ERBB3: variants seen among roughly 807,000 people sequenced by gnomAD.
ERBB3 encodes the protein receptor tyrosine-protein kinase erbB-3.
Under a neutral mutation model 156.7 loss-of-function variants are expected in ERBB3, and 96 were observed. The ratio of observed to expected loss-of-function variants is 0.61; its 90% CI spans 0.52 to 0.73. ERBB3 has a LOEUF of 0.73. Among genes scored for constraint, ERBB3 ranks in the 30% least tolerant of loss-of-function variants. ERBB3 has a pLI of 0.00. For missense variants in ERBB3, 1,406 were observed against 1,709.4 expected, an observed-to-expected ratio of 0.82 and a Z score of 3.13; for synonymous variants, 567 against 632.0, an observed-to-expected ratio of 0.90 and a Z score of 1.54.
rs1173594365 is a variant in ERBB3 at position 56,080,320 on chromosome 12, T to C, written c.20T>C (p.Leu7Pro). The C allele has an allele frequency of 1.3e-6, 2 of 1,581,066 alleles. No individual in the cohort carries two copies. The highest frequency in any genetic ancestry group is 4.6e-5 in the East Asian group (2 of 43,474). Reference protein sequence around the residue: MRANDALQVLGLLFSLA... With the variant: MRANDAPQVLGLLFSLA... ...GGAGTCATGAGGGCGAACGACGCTC[T>C]GCAGGTGCTGGGCTTGCTTTTCAGC... The change falls in exon 1 of 28, where the codon CTG (leucine) becomes CCG (proline). Residue 7 changes from leucine to proline, a missense_variant. Leu to Pro is a moderately conservative substitution (Grantham distance 98). Transcript: ENST00000267101.
intron 14 of ERBB3, 88 bp from the exon 15 acceptor site, chr12:56,094,314 G>GA (rs1286976658): frequency 3.9e-6 from 6 of 1,528,620 alleles, no homozygotes; most frequent in African/African-American, 1.4e-5. Flanking sequence ...GCAGATAGAA[G>GA]ATCCTGAATG....
At position 56,101,434 on chromosome 12, in the gene ERBB3, C is replaced by T. The variant is rs145359354; in HGVS notation, c.3502+73C>T. The T allele has an allele frequency of 1.3e-4, 203 of 1,594,680 alleles. 1 individual carries two copies. The African/African-American group carries it at 2.4e-3, about 19-fold the overall frequency. On this transcript the variant is annotated intron_variant, in intron 27 of 27. Transcript: ENST00000267101. Reference sequence around the variant, plus strand: ...TCCCCGGGCTCCTCTTTTTTCTTCTCTGATCATATGCCTCTCTGTCCTATT... The same window carrying T: ...TCCCCGGGCTCCTCTTTTTTCTTCTTTGATCATATGCCTCTCTGTCCTATT...
chr12:56,091,283 T>TATATATATATATAATATATATAAATATAA (rs1868679445), intron 9 of ERBB3, among the ~76,000 whole-genome samples: 5 of 51,750 alleles, frequency 9.7e-5, no homozygotes, highest in Admixed American at 2.7e-4. Context: ...TATATATATA[T>TATATATATATATAATATATATAAATATAA]ATATATATAT....
At chr12:56,086,302 C>G (rs79768661) in intron 3 of ERBB3, among the ~76,000 whole-genome samples, 2 of 152,040 alleles carry the variant, frequency 1.3e-5, no homozygotes, top group Non-Finnish European at 2.9e-5. Flanking sequence ...TCCCCTCCCC[C>G]ACTAGCTAAA....
In ERBB3 at chr12:56,102,822, A is replaced by C. The variant is rs1419644937; in HGVS notation, c.*767A>C. On this transcript the variant is annotated 3_prime_UTR_variant, in exon 28 of 28. Coordinates refer to ENST00000267101, the MANE Select transcript of ERBB3 (RefSeq NM_001982.4). Reference sequence around the variant, plus strand: ...CCATCTCTTTAAAAAAAAAAAAAAAAAAAAAAAAAAAACTTTAGAACTGGG... The same window carrying C: ...CCATCTCTTTAAAAAAAAAAAAAAACAAAAAAAAAAAACTTTAGAACTGGG... 2 of 214,722 alleles carry C rather than the reference A, an allele frequency of 9.3e-6. No individual in the cohort carries two copies. Among genetic ancestry groups the C allele is most frequent in the African/African-American group, 4.5e-5 (2 of 44,040 alleles). The allele number at this position is 214,722 out of a possible 1,614,324, so 13.3% of individuals were successfully genotyped here. A position where few individuals can be genotyped will look rare whatever the true frequency, so the allele number is the denominator to read the frequency against.
chr12:56,086,295 C>T (rs1443249177), intron 3 of ERBB3, among the ~76,000 whole-genome samples: 1 of 152,088 alleles, frequency 6.6e-6, no homozygotes, highest in Non-Finnish European at 1.5e-5. Context: ...TCTCCCTTCC[C>T]CTCCCCCACT....
chr12:56,094,383 CCTT>C lies in ERBB3; in HGVS notation c.1705-16_1705-14del, dbSNP rs752273376. ...GACCTTGGGATCTGATTCTTCCTGA[CCTT>C]CTCTCTTCCACTCAGGGCTCTGATA... On this transcript the variant is annotated splice_polypyrimidine_tract_variant and intron_variant, in intron 14 of 27. Transcript: ENST00000267101. 6.2e-7 allele frequency: 1 copy of C among 1,614,028 alleles called. No individual in the cohort carries two copies. Among genetic ancestry groups the C allele is most frequent in the Admixed American group, 1.7e-5 (1 of 60,016 alleles).
Position 56,101,170 on chromosome 12 carries a change from C to T in ERBB3, c.3311C>T (p.Ser1104Phe). 1 of 1,614,166 alleles carries T rather than the reference C, an allele frequency of 6.2e-7. No individual in the cohort carries two copies. Among genetic ancestry groups the T allele is most frequent in the Non-Finnish European group, 8.5e-7 (1 of 1,180,032 alleles). ...SESSEGHVTG[S>F]EAELQEKVSM... ...TCATCAGAGGGGCATGTAACAGGCT[C>T]TGAGGCTGAGCTCCAGGAGAAAGTG... Residue 1104 changes from serine to phenylalanine, a missense_variant, in exon 27 of 28, where the codon TCT (serine) becomes TTT (phenylalanine). By Grantham distance (155) the Ser-to-Phe change is radical. Around this residue, in one of 3 missense-constraint regions of ERBB3, gnomAD observed 415 missense variants for 454.1 expected, o/e 0.91. Coordinates refer to ENST00000267101, the MANE Select transcript of ERBB3 (RefSeq NM_001982.4).
rs1056500812 is a variant in ERBB3 at position 56,093,769 on chromosome 12, G to A, written c.1486G>A (p.Glu496Lys). The change falls in exon 13 of 28, where the codon GAG becomes AAG. Residue 496 changes from glutamate (E) to lysine (K), a missense_variant. Physicochemically the swap from Glu to Lys is moderately conservative, Grantham distance 56. Transcript: ENST00000267101. ...ACCCACCCCTTCCTTTCCAGTGGCA[G>A]AGGGCAAAGTGTGTGACCCACTGTG... is the stretch of plus-strand genomic sequence containing the variant. ...HNRPRRDCVA[E>K]GKVCDPLCSS... The A allele has an allele frequency of 6.2e-7, 1 of 1,614,124 alleles. No individual in the cohort carries two copies. Among genetic ancestry groups the A allele is most frequent in the Admixed American group, 1.7e-5 (1 of 60,020 alleles).
chr12:56,093,619 T>C, intron 12 of ERBB3, 69 bp downstream of exon 12: 1 of 1,549,978 alleles, frequency 6.5e-7, no homozygotes, highest in Non-Finnish European at 8.8e-7. Context: ...AGGACTATTC[T>C]GCCCTAGACG....
At chr12:56,086,407 G>T in intron 3 of ERBB3, 124 bp from the exon 4 acceptor site, 1 of 1,157,118 alleles carries the variant, frequency 8.6e-7, no homozygotes, top group South Asian at 1.2e-5. Context: ...AGATTTAATT[G>T]GACCTATCTG....
intron 21 of ERBB3, 72 bp from the exon 22 acceptor site, chr12:56,098,428 G>C: frequency 1.1e-6 from 1 of 916,886 alleles, no homozygotes; most frequent in Non-Finnish European, 1.7e-6. Context: ...AAAAAAAAAA[G>C]AATTTGGGAC....
chr12:56,094,860 A>C (rs914060354), intron 15 of ERBB3, among the ~76,000 whole-genome samples: 42 of 152,116 alleles, frequency 2.8e-4, no homozygotes, highest in Admixed American at 2.6e-3. Context: ...CTGAGGCAGG[A>C]GAATTTCTTG....
Position 56,095,741 on chromosome 12 carries a change from C to T in ERBB3, c.1990C>T (p.Leu664Phe). 6.2e-7 allele frequency: 1 copy of T among 1,614,228 alleles called. No homozygotes were observed. Among genetic ancestry groups the T allele is most frequent in the Non-Finnish European group, 8.5e-7 (1 of 1,180,046 alleles). Residue 664 changes from leucine (L) to phenylalanine (F), a missense_variant, in exon 17 of 28, where the codon CTC (leucine) becomes TTC (phenylalanine). Transcript: ENST00000267101. ...TTTCATGATGCTGGGCGGCACTTTT[C>T]TCTACTGGCGTGGGCGCCGGATTCA... ...VIFMMLGGTF[L>F]YWRGRRIQNK...
At chr12:56,090,008 T>A (rs1868620279) in intron 9 of ERBB3, among the ~76,000 whole-genome samples, 1 of 149,644 alleles carries the variant, frequency 6.7e-6, no homozygotes, top group African/African-American at 2.5e-5. Context: ...TTTTTTTTTT[T>A]AAGACAAAGT....
intron 6 of ERBB3, 51 bp downstream of exon 6, chr12:56,087,964 A>G (rs2136794668): frequency 1.2e-6 from 2 of 1,613,694 alleles, no homozygotes; most frequent in East Asian, 4.5e-5. Flanking sequence ...GTGGCCTTTG[A>G]GGAGGAGGTA....
Position 56,088,131 on chromosome 12 carries a change from G to T in ERBB3, c.843G>T (p.Gln281His). The T allele has an allele frequency of 1.9e-6, 3 of 1,614,202 alleles. No individual in the cohort carries two copies. The highest frequency in any genetic ancestry group is 2.5e-6 in the Non-Finnish European group (3 of 1,180,034). ...QLEPNPHTKY[Q>H]YGGVCVASCP... Reference sequence around the variant, plus strand: ...AACCCAATCCCCACACCAAGTATCAGTATGGAGGAGTTTGTGTAGCCAGCT... The same window carrying T: ...AACCCAATCCCCACACCAAGTATCATTATGGAGGAGTTTGTGTAGCCAGCT... The change falls in exon 7 of 28, where the codon CAG becomes CAT. Residue 281 changes from glutamine to histidine, a missense_variant. By Grantham distance (24) the Gln-to-His change is conservative. Coordinates refer to ENST00000267101, the MANE Select transcript of ERBB3 (RefSeq NM_001982.4).
In ERBB3 at chr12:56,100,982, T is replaced by C. The variant is rs1424086979; in HGVS notation, c.3202-79T>C. The C allele has an allele frequency of 9.4e-6, 7 of 741,310 alleles. No individual in the cohort carries two copies. In the African/African-American group the frequency reaches 1.2e-4, roughly 12 times the overall value. The allele number at this position is 741,310 out of a possible 1,614,324, so 45.9% of individuals were successfully genotyped here. ...AAAAAAAAGGCAGTGAACAACCCAATATCCTTCTAAACAAATCTCTCTTCT... is the reference window on the plus strand; with the variant it reads ...AAAAAAAAGGCAGTGAACAACCCAACATCCTTCTAAACAAATCTCTCTTCT... On this transcript the variant is annotated intron_variant, in intron 26 of 27. Transcript: ENST00000267101.
chr12:56,101,987 T>C lies in ERBB3; in HGVS notation c.3961T>C (p.Ser1321Pro). 1 of 1,613,772 alleles carries C rather than the reference T, an allele frequency of 6.2e-7. No individual in the cohort carries two copies. The highest frequency in any genetic ancestry group is 8.5e-7 in the Non-Finnish European group (1 of 1,179,988). Residue 1321 changes from serine (S) to proline (P), a missense_variant, in exon 28 of 28, where the codon TCT becomes CCT. By Grantham distance (74) the Ser-to-Pro change is moderately conservative. This residue lies in a region of ERBB3 where 415 missense variants were observed against 454.1 expected (regional missense o/e 0.91). Coordinates refer to ENST00000267101, the MANE Select transcript of ERBB3 (RefSeq NM_001982.4). ...KTLRSLEATD[S>P]AFDNPDYWHS... ...TCTACGTAGCTTAGAGGCTACAGACTCTGCCTTTGATAACCCTGATTACTG... is the reference window on the plus strand; with the variant it reads ...TCTACGTAGCTTAGAGGCTACAGACCCTGCCTTTGATAACCCTGATTACTG...
Sources: gnomAD v4.1 joint callset for allele counts (sites outside exome capture counted in the v4.1 genomes callset) on GRCh38, gnomAD v4.1.1 for gene constraint, gnomAD v4.1.1 regional missense constraint, MANE v1.5 for transcripts, NCBI Gene and HGNC (gene_info 2026-07-23, HGNC 2026-07-21) for gene names.